HS6ST3: variants seen among roughly 807,000 people sequenced by gnomAD.
HS6ST3 encodes heparan sulfate 6-O-sulfotransferase 3.
Under a neutral mutation model 36.7 loss-of-function variants are expected in HS6ST3, and 12 were observed. The ratio of observed to expected loss-of-function variants is 0.33; its 90% confidence interval spans 0.21 to 0.53. The LOEUF is 0.53. HS6ST3 is among the 20% of genes least tolerant of loss of function. The pLI is 0.95. For synonymous variants in HS6ST3, 240 were observed against 257.5 expected (o/e 0.93, Z 0.65); for missense variants, 584 against 640.9 (o/e 0.91, Z 0.96).
chr13:96,353,122 C>T (rs2055192146), intron 1 of HS6ST3, among the ~76,000 whole-genome samples: 1 of 134,390 alleles, frequency 7.4e-6, no homozygotes, highest in African/African-American at 2.8e-5. Flanking sequence ...GGTGTGATCT[C>T]GGCTCACTGC....
intron 1 of HS6ST3, among the ~76,000 whole-genome samples, chr13:96,166,736 G>A (rs1418866267): frequency 6.6e-6 from 1 of 151,914 alleles, no homozygotes; most frequent in African/African-American, 2.4e-5. Flanking sequence ...TCAAAGAAGA[G>A]GCAAGGGGGC....
chr13:96,753,550 T>C (rs1876751500), intron 1 of HS6ST3, among the ~76,000 whole-genome samples: 1 of 152,188 alleles, frequency 6.6e-6, no homozygotes, highest in Admixed American at 6.5e-5. Flanking sequence ...ATCTTATTTT[T>C]AGCCAAATTG....
chr13:96,726,134 C>T (rs1385123627), intron 1 of HS6ST3, among the ~76,000 whole-genome samples: 1 of 152,074 alleles, frequency 6.6e-6, no homozygotes, highest in East Asian at 1.9e-4. Flanking sequence ...CCGTGCCCGG[C>T]CTATGATATG....
rs192975022 is a variant in HS6ST3, at chr13:96,165,327, C to T, written c.707+73758C>T. Reference sequence around the variant, plus strand: ...TGCAACTTTAGAAGCCCCATGGCTTCCCCTGTATTCTCTCTGGGGGCTTTT... The same window carrying T: ...TGCAACTTTAGAAGCCCCATGGCTTTCCCTGTATTCTCTCTGGGGGCTTTT... On this transcript the variant is annotated intron_variant, in intron 1 of 1. Coordinates refer to ENST00000376705, the MANE Select transcript of HS6ST3 (RefSeq NM_153456.4). Among the ~76,000 whole-genome samples the T allele has an allele frequency of 9.8e-4, 149 of 152,250 alleles. 1 individual carries two copies. Among genetic ancestry groups the T allele is most frequent in the Non-Finnish European group, 1.2e-3 (80 of 68,018 alleles).
chr13:96,759,188 A>C (rs927103326), intron 1 of HS6ST3, among the ~76,000 whole-genome samples: 1 of 151,770 alleles, frequency 6.6e-6, no homozygotes, highest in African/African-American at 2.4e-5. Flanking sequence ...ATACTTATTA[A>C]ATTTTGTCTC....
intron 1 of HS6ST3, 77 bp from the exon 2 acceptor site, chr13:96,832,413 G>A (rs1458687586): frequency 2.2e-5 from 24 of 1,074,438 alleles, no homozygotes; most frequent in African/African-American, 1.4e-4. Flanking sequence ...ACTCAATGCC[G>A]ATGTAAAATT....
intron 1 of HS6ST3, among the ~76,000 whole-genome samples, chr13:96,285,080 A>G (rs1163252968): frequency 6.6e-6 from 1 of 152,070 alleles, no homozygotes; most frequent in Non-Finnish European, 1.5e-5. Context: ...TTAGTCTTGC[A>G]CTTCATCGCT....
At chr13:96,323,680 C>T (rs1302444302) in intron 1 of HS6ST3, among the ~76,000 whole-genome samples, 1 of 152,148 alleles carries the variant, frequency 6.6e-6, no homozygotes, top group Non-Finnish European at 1.5e-5. Context: ...TGTCTTTAGT[C>T]AGCATCATCT....
chr13:96,232,461 C>T (rs992669048), intron 1 of HS6ST3, among the ~76,000 whole-genome samples: 2 of 152,068 alleles, frequency 1.3e-5, no homozygotes, highest in African/African-American at 4.8e-5. Context: ...AACAAGAATG[C>T]TTCTGTATTG....
intron 1 of HS6ST3, among the ~76,000 whole-genome samples, chr13:96,112,253 T>G (rs1015783992): frequency 6.6e-6 from 1 of 152,152 alleles, no homozygotes; most frequent in Non-Finnish European, 1.5e-5. Context: ...CTCTTTTAGA[T>G]CTGTATTGCA....
At chr13:96,545,149 G>A (rs991275468) in intron 1 of HS6ST3, among the ~76,000 whole-genome samples, 2 of 152,268 alleles carry the variant, frequency 1.3e-5, no homozygotes, top group South Asian at 4.1e-4. Flanking sequence ...GGAAGTCATG[G>A]TGGGTTCTAT....
chr13:96,689,238 C>T (rs1210313296), intron 1 of HS6ST3, among the ~76,000 whole-genome samples: 6 of 152,012 alleles, frequency 3.9e-5, no homozygotes, highest in Admixed American at 2.6e-4. Flanking sequence ...CAAGTTATTA[C>T]TACTCCCAAG....
intron 1 of HS6ST3, among the ~76,000 whole-genome samples, chr13:96,716,884 G>A (rs971361193): frequency 6.6e-6 from 1 of 152,178 alleles, no homozygotes; most frequent in Non-Finnish European, 1.5e-5. Flanking sequence ...ATTAGTGTAG[G>A]TAAGTGGGCC....
chr13:96,194,367 G>A (rs916440096), intron 1 of HS6ST3, among the ~76,000 whole-genome samples: 8 of 151,856 alleles, frequency 5.3e-5, no homozygotes, highest in African/African-American at 1.7e-4. Context: ...ATAAATTATC[G>A]TCAATTATAA....
At chr13:96,480,649 G>A (rs969904690) in intron 1 of HS6ST3, among the ~76,000 whole-genome samples, 2 of 152,110 alleles carry the variant, frequency 1.3e-5, no homozygotes, top group African/African-American at 4.8e-5. Flanking sequence ...GTGTCTTTTT[G>A]TACATCACTG....
intron 1 of HS6ST3, among the ~76,000 whole-genome samples, chr13:96,296,456 G>A (rs1292257605): frequency 6.6e-6 from 1 of 152,068 alleles, no homozygotes; most frequent in Non-Finnish European, 1.5e-5. Flanking sequence ...AAATACCTGG[G>A]TAAATCACAG....
At chr13:96,297,611 T>C (rs1335014065) in intron 1 of HS6ST3, among the ~76,000 whole-genome samples, 1 of 152,102 alleles carries the variant, frequency 6.6e-6, no homozygotes, top group African/African-American at 2.4e-5. Context: ...TCTGTGCCCT[T>C]GTTTTGCTTA....
intron 1 of HS6ST3, among the ~76,000 whole-genome samples, chr13:96,300,234 T>G (rs2054875296): frequency 6.6e-6 from 1 of 151,634 alleles, no homozygotes; most frequent in Admixed American, 6.6e-5. Context: ...TTTTTGTATT[T>G]TTAGTAGAGA....
At chr13:96,695,900 T>C (rs1298541210) in intron 1 of HS6ST3, among the ~76,000 whole-genome samples, 1 of 152,152 alleles carries the variant, frequency 6.6e-6, no homozygotes, top group Non-Finnish European at 1.5e-5. Context: ...AATCAGGCCT[T>C]CTGAATCCAA....
Sources: allele counts gnomAD v4.1 joint callset (sites outside exome capture counted in the v4.1 genomes callset), GRCh38; gene constraint gnomAD v4.1.1; transcripts MANE v1.5; gene names NCBI Gene and HGNC (gene_info 2026-07-23, HGNC 2026-07-21).